PCDHA5: variants seen among roughly 807,000 people sequenced by gnomAD.
PCDHA5 encodes protocadherin alpha 5, also known as protocadherin alpha-5.
A neutral mutation model predicts 61.6 loss-of-function variants in PCDHA5; 43 were observed. The observed-to-expected ratio is 0.70, with a 90% CI of 0.55 to 0.90. The LOEUF is 0.90. PCDHA5 is among the 40% of genes least tolerant of loss of function. The pLI is 0.00. For missense variants in PCDHA5, 1,298 were observed against 1,222.7 expected (o/e 1.06, Z -0.92); for synonymous variants, 627 against 543.9 (o/e 1.15, Z -2.13).
Position 140,927,948 on chromosome 5 carries a change from C to T in PCDHA5, c.2353-51001C>T, listed in dbSNP as rs1012110026. The T allele has an allele frequency of 4.3e-6, 7 of 1,614,072 alleles. No homozygotes were observed. In the African/African-American group the frequency reaches 5.3e-5, roughly 12 times the overall value. On this transcript the variant is annotated intron_variant, in intron 1 of 3. Transcript: ENST00000529859. The stretch of plus-strand genomic sequence containing the variant: ...CTCTTTCGAACCCAGTACCTGAGGA[C>T]GCTGCCCCTGGCACAGTGATTGCTC...
rs2093245729 is a variant in PCDHA5 at position 140,942,201 on chromosome 5, G to A, written c.2353-36748G>A. Among the ~76,000 whole-genome samples, 3 of 151,938 alleles carry A rather than the reference G, an allele frequency of 2.0e-5. No individual in the cohort carries two copies. The South Asian group carries it at 6.2e-4, about 32-fold the overall frequency. On this transcript the variant is annotated intron_variant, in intron 1 of 3. Coordinates refer to ENST00000529859, the MANE Select transcript of PCDHA5 (RefSeq NM_018908.3). Reference sequence around the variant, plus strand: ...GACATTTTATTTAAAATACATTTTTGAGCATAAGATATTTAAAATGTGTAG... The same window carrying A: ...GACATTTTATTTAAAATACATTTTTAAGCATAAGATATTTAAAATGTGTAG...
chr5:140,836,144 G>C (rs2150253955), intron 1 of PCDHA5: 2 of 1,613,662 alleles, frequency 1.2e-6, no homozygotes, highest in Admixed American at 1.7e-5. Context: ...CTGTGGGCGC[G>C]GGCCATGTGG....
At chr5:140,836,797 C>A in intron 1 of PCDHA5, 1 of 1,343,980 alleles carries the variant, frequency 7.4e-7, no homozygotes, top group Admixed American at 2.4e-5. Flanking sequence ...AATTGGTCTC[C>A]TTAAATTTTC....
At position 140,842,676 on chromosome 5, in the gene PCDHA5, C is replaced by G. The variant is rs1554139267; in HGVS notation, c.2352+18549C>G. The G allele has an allele frequency of 1.9e-6, 3 of 1,595,430 alleles. 1 individual carries two copies. The African/African-American group carries it at 4.0e-5, about 21-fold the overall frequency. ...GAGGTGGCCGACGTGAACGACAATG[C>G]TCCGGCGTTCGCGCAGCCCGAGTAC... On this transcript the variant is annotated intron_variant, in intron 1 of 3. Transcript: ENST00000529859.
chr5:140,920,692 A>G (rs552577858), intron 1 of PCDHA5, among the ~76,000 whole-genome samples: 2 of 152,232 alleles, frequency 1.3e-5, no homozygotes, highest in Non-Finnish European at 2.9e-5. Flanking sequence ...AAAAATACAA[A>G]CATTAGCTTG....
chr5:140,941,506 G>T (rs556309408), intron 1 of PCDHA5, among the ~76,000 whole-genome samples: 1 of 151,236 alleles, frequency 6.6e-6, no homozygotes, highest in South Asian at 2.1e-4. Flanking sequence ...TAGTAGAGAC[G>T]AGGTTTCACC....
At position 140,982,581 on chromosome 5, in the gene PCDHA5, C is replaced by CT. The variant is rs782248594; in HGVS notation, c.2500+19dup. 2.4e-5 allele frequency: 38 copies of CT among 1,612,216 alleles called. No homozygotes were observed. The Middle Eastern group carries it at 5.0e-4, about 21-fold the overall frequency. ...AACACCAGGTAAAGAGCTGGGGTCT[C>CT]TCCATTCTTTCTTGGTTTCTGGAAA... On this transcript the variant is annotated intron_variant, in intron 3 of 3. Transcript: ENST00000529859.
At chr5:140,856,019 C>G in intron 1 of PCDHA5, 1 of 1,551,820 alleles carries the variant, frequency 6.4e-7, no homozygotes, top group Non-Finnish European at 8.7e-7. Flanking sequence ...ACCGCTGATT[C>G]GTCGATTTGT....
rs149296153 is a variant in PCDHA5, at chr5:140,837,442, G to A, written c.2352+13315G>A. Among the ~76,000 whole-genome samples the A allele has an allele frequency of 1.9e-4, 29 of 151,938 alleles. No individual in the cohort carries two copies. The East Asian group carries it at 5.2e-3, about 27-fold the overall frequency. Reference sequence around the variant, plus strand: ...AATTTCAAAGAGTGAAATCTAGTACGTAGTAAAAAATCTCCTTGCCTCCTC... The same window carrying A: ...AATTTCAAAGAGTGAAATCTAGTACATAGTAAAAAATCTCCTTGCCTCCTC... On this transcript the variant is annotated intron_variant, in intron 1 of 3. Coordinates refer to ENST00000529859, the MANE Select transcript of PCDHA5 (RefSeq NM_018908.3).
In PCDHA5 at chr5:140,882,793, C is replaced by A. The variant is rs1176435531; in HGVS notation, c.2352+58666C>A. 2.5e-6 allele frequency: 4 copies of A among 1,614,092 alleles called. No individual in the cohort carries two copies. In the Admixed American group the frequency reaches 6.7e-5, roughly 27 times the overall value. On this transcript the variant is annotated intron_variant, in intron 1 of 3. Coordinates refer to ENST00000529859, the MANE Select transcript of PCDHA5 (RefSeq NM_018908.3). ...CATTGACCTACCGACTGGATCCCAA[C>A]GATTATTTCACTTTGGACGCACAAA... is the stretch of plus-strand genomic sequence containing the variant.
chr5:140,913,237 C>A (rs2076260841), intron 1 of PCDHA5, among the ~76,000 whole-genome samples: 1 of 152,080 alleles, frequency 6.6e-6, no homozygotes, highest in Non-Finnish European at 1.5e-5. Context: ...TGCTGGGAGA[C>A]TTTTTGTTAC....
At chr5:140,832,436 T>G in intron 1 of PCDHA5, among the ~76,000 whole-genome samples, 1 of 152,222 alleles carries the variant, frequency 6.6e-6, no homozygotes, top group South Asian at 2.1e-4. Context: ...TGATAATTTT[T>G]AAGCGTGTAA....
chr5:140,904,685 G>A (rs2071317723), intron 1 of PCDHA5, among the ~76,000 whole-genome samples: 1 of 152,104 alleles, frequency 6.6e-6, no homozygotes, highest in African/African-American at 2.4e-5. Context: ...CCCACCAGCA[G>A]TGTAAAATTG....
chr5:140,976,888 A>G (rs1050816491), intron 1 of PCDHA5, among the ~76,000 whole-genome samples: 1 of 152,218 alleles, frequency 6.6e-6, no homozygotes, highest in African/African-American at 2.4e-5. Context: ...ATTAGGATAC[A>G]TGCAACAGTA....
At chr5:140,982,592 C>G (rs376230429) in intron 3 of PCDHA5, 29 bp downstream of exon 3, 3 of 1,610,372 alleles carry the variant, frequency 1.9e-6, no homozygotes, top group Non-Finnish European at 2.5e-6. Flanking sequence ...TCCATTCTTT[C>G]TTGGTTTCTG....
At position 140,850,229 on chromosome 5, in the gene PCDHA5, C is replaced by G. The variant is rs2150474580; in HGVS notation, c.2352+26102C>G. ...TGAGGGGCACTGACGGCGCAGTGAGCGAGATGGTGCTGCGGTCGGTGGGCG... is the reference window on the plus strand; with the variant it reads ...TGAGGGGCACTGACGGCGCAGTGAGGGAGATGGTGCTGCGGTCGGTGGGCG... On this transcript the variant is annotated intron_variant, in intron 1 of 3. Transcript: ENST00000529859. The G allele has an allele frequency of 9.4e-6, 15 of 1,593,582 alleles. No individual in the cohort carries two copies. In the East Asian group the frequency reaches 3.3e-4, roughly 36 times the overall value.
At chr5:140,835,876 G>A (rs1774006119) in intron 1 of PCDHA5, 2 of 1,611,976 alleles carry the variant, frequency 1.2e-6, no homozygotes, top group East Asian at 4.5e-5. Flanking sequence ...GTGGAGCTGC[G>A]GGTGGGCGAG....
chr5:141,010,461 G>C lies in PCDHA5; in HGVS notation c.*524G>C. The C allele has an allele frequency of 1.2e-6, 1 of 823,014 alleles. No individual in the cohort carries two copies. The highest frequency in any genetic ancestry group is 1.8e-6 in the Non-Finnish European group (1 of 553,022). The allele number at this position is 823,014 out of a possible 1,614,324, so 51.0% of individuals were successfully genotyped here. A position where few individuals can be genotyped will look rare whatever the true frequency, so the allele number is the denominator to read the frequency against. On this transcript the variant is annotated 3_prime_UTR_variant, in exon 4 of 4. Coordinates refer to ENST00000529859, the MANE Select transcript of PCDHA5 (RefSeq NM_018908.3). ...GACAAATAAACAGCGGAAGTTATCAGTATGGAGGGGAAGTGTAAACTTAAA... is the reference window on the plus strand; with the variant it reads ...GACAAATAAACAGCGGAAGTTATCACTATGGAGGGGAAGTGTAAACTTAAA...
intron 1 of PCDHA5, among the ~76,000 whole-genome samples, chr5:140,879,868 A>G (rs544274525): frequency 2.0e-5 from 3 of 152,222 alleles, no homozygotes; most frequent in Middle Eastern, 3.4e-3. Context: ...CTCAGCTTTC[A>G]TGGTCACATT....
Sources: allele counts gnomAD v4.1 joint callset (sites outside exome capture counted in the v4.1 genomes callset), GRCh38; gene constraint gnomAD v4.1.1; transcripts MANE v1.5; gene names NCBI Gene and HGNC (gene_info 2026-07-23, HGNC 2026-07-21).